The following ROCK1 variants were observed in gnomAD, a reference collection of about 807,000 sequenced individuals.
The protein encoded by ROCK1 is rho-associated protein kinase 1.
A neutral mutation model predicts 196.8 loss-of-function variants in ROCK1; 36 were observed. That is an observed-to-expected ratio of 0.18 (90% CI 0.14 to 0.24). ROCK1 has a LOEUF of 0.24. Among genes scored for constraint, ROCK1 ranks in the 10% least tolerant of loss-of-function variants. ROCK1 has a pLI of 1.00. For synonymous variants in ROCK1, 443 were observed against 515.9 expected (o/e 0.86, Z 1.91); for missense variants, 920 against 1,562.0 (o/e 0.59, Z 6.93).
intron 1 of ROCK1, among the ~76,000 whole-genome samples, chr18:21,087,128 G>T (rs1358006422): frequency 6.6e-6 from 1 of 152,056 alleles, no homozygotes; most frequent in Non-Finnish European, 1.5e-5. Context: ...TGTTTTCTAT[G>T]CCTAATTTAA....
chr18:20,965,132 G>A (rs965120420), intron 27 of ROCK1, among the ~76,000 whole-genome samples: 1 of 152,210 alleles, frequency 6.6e-6, no homozygotes, highest in Non-Finnish European at 1.5e-5. Context: ...GCTCATGCCT[G>A]TAATCTCAGC....
At chr18:21,098,541 T>G (rs1394959391) in intron 1 of ROCK1, among the ~76,000 whole-genome samples, 1 of 151,958 alleles carries the variant, frequency 6.6e-6, no homozygotes, top group Non-Finnish European at 1.5e-5. Flanking sequence ...ACTCAAAATT[T>G]TGAAGCAACA....
At chr18:20,984,602 A>T (rs2035561624) in intron 19 of ROCK1, 67 bp from the exon 20 acceptor site, 2 of 1,180,498 alleles carry the variant, frequency 1.7e-6, no homozygotes, top group African/African-American at 3.1e-5. Flanking sequence ...TATTTGAAAG[A>T]CTACTAACCA....
At chr18:20,958,609 A>G (rs2035269645) in intron 29 of ROCK1, among the ~76,000 whole-genome samples, 2 of 151,266 alleles carry the variant, frequency 1.3e-5, no homozygotes, top group African/African-American at 4.8e-5. Flanking sequence ...AATAATGACC[A>G]AAGAATCCTA....
At chr18:20,976,469 C>T (rs1184927444) in intron 22 of ROCK1, among the ~76,000 whole-genome samples, 1 of 152,086 alleles carries the variant, frequency 6.6e-6, no homozygotes, top group Non-Finnish European at 1.5e-5. Flanking sequence ...ATCAGAAGAT[C>T]CTGACATACT....
chr18:21,032,064 T>C (rs1356829533), intron 9 of ROCK1, among the ~76,000 whole-genome samples: 1 of 152,154 alleles, frequency 6.6e-6, no homozygotes, highest in East Asian at 1.9e-4. Flanking sequence ...GAAGAAATAA[T>C]GGCCAAACCT....
chr18:21,055,686 T>G lies in ROCK1; in HGVS notation c.176-5806A>C, dbSNP rs1429268310. Among the ~76,000 whole-genome samples, 3 of 152,072 alleles carry G rather than the reference T, an allele frequency of 2.0e-5. No individual in the cohort carries two copies. The South Asian group carries it at 6.2e-4, about 31-fold the overall frequency. On this transcript the variant is annotated intron_variant, in intron 2 of 32. Transcript: ENST00000399799. ...TACCCCTCCTAACCGGATCCCACCA[T>G]GCTGTTTTCTCTCCCATCTTAGGGA...
chr18:21,042,340 G>A (rs1351729157), intron 7 of ROCK1, 105 bp from the exon 8 acceptor site: 1 of 1,099,244 alleles, frequency 9.1e-7, no homozygotes, highest in East Asian at 2.6e-5. Context: ...TATTAGGTAT[G>A]TATTAAACTA....
rs1160920387 is a variant in ROCK1 at position 20,998,293 on chromosome 18, G to A, written c.1886-5356C>T. Among the ~76,000 whole-genome samples, 4 of 152,272 alleles carry A rather than the reference G, an allele frequency of 2.6e-5. No individual in the cohort carries two copies. The South Asian group carries it at 6.2e-4, about 24-fold the overall frequency. ...AACATACAAAAGCCAATGGGATACA[G>A]TGAAAGCAGTACAAGAAAGCTTATA... On this transcript the variant is annotated intron_variant, in intron 16 of 32. Coordinates refer to ENST00000399799, the MANE Select transcript of ROCK1 (RefSeq NM_005406.3).
intron 2 of ROCK1, among the ~76,000 whole-genome samples, chr18:21,060,577 C>T (rs1225112844): frequency 6.6e-6 from 1 of 152,144 alleles, no homozygotes; most frequent in Non-Finnish European, 1.5e-5. Context: ...CGGTGGCTCA[C>T]GCCTGTAATT....
intron 27 of ROCK1, among the ~76,000 whole-genome samples, chr18:20,965,102 C>T (rs2035360045): frequency 6.6e-6 from 1 of 152,092 alleles, no homozygotes; most frequent in Admixed American, 6.6e-5. Context: ...CTAAATAGAG[C>T]AAGGTCGGCC....
chr18:21,026,668 G>T (rs1171371656), intron 10 of ROCK1, among the ~76,000 whole-genome samples: 9 of 151,952 alleles, frequency 5.9e-5, no homozygotes, highest in Admixed American at 4.6e-4. Context: ...GGACTAAATT[G>T]TCTTTTTGTT....
At chr18:20,982,009 A>C (rs2143388891) in intron 21 of ROCK1, among the ~76,000 whole-genome samples, 1 of 152,362 alleles carries the variant, frequency 6.6e-6, no homozygotes, top group South Asian at 2.1e-4. Flanking sequence ...CAATGGAATA[A>C]ATCAGAACTG....
At chr18:20,983,488 T>C (rs1462978013) in intron 20 of ROCK1, among the ~76,000 whole-genome samples, 2 of 151,634 alleles carry the variant, frequency 1.3e-5, no homozygotes, top group Non-Finnish European at 2.9e-5. Flanking sequence ...AAGACACAGA[T>C]TTTCAATAAT....
At chr18:20,959,147 A>ATT (rs2035297657) in intron 29 of ROCK1, among the ~76,000 whole-genome samples, 2 of 61,254 alleles carry the variant, frequency 3.3e-5, no homozygotes, top group African/African-American at 1.9e-4. Context: ...TATTATATAA[A>ATT]ATATATATAT....
chr18:21,038,756 G>GA (rs35101122), intron 9 of ROCK1, among the ~76,000 whole-genome samples: 8 of 152,112 alleles, frequency 5.3e-5, no homozygotes, highest in South Asian at 4.1e-4. Flanking sequence ...GATGAACAGG[G>GA]AAAAAAATCC....
At chr18:21,032,181 A>G (rs926432314) in intron 9 of ROCK1, among the ~76,000 whole-genome samples, 12 of 152,208 alleles carry the variant, frequency 7.9e-5, no homozygotes, top group Non-Finnish European at 2.9e-5. Context: ...CACATGCCAT[A>G]ATCAAACTGT....
At chr18:21,082,674 C>T (rs1389732813) in intron 1 of ROCK1, among the ~76,000 whole-genome samples, 1 of 152,154 alleles carries the variant, frequency 6.6e-6, no homozygotes, top group East Asian at 1.9e-4. Flanking sequence ...TGGAAAGAAA[C>T]TTCCTCAGCA....
chr18:21,074,071 T>G (rs1240364046), intron 1 of ROCK1, among the ~76,000 whole-genome samples: 1 of 152,158 alleles, frequency 6.6e-6, no homozygotes, highest in Non-Finnish European at 1.5e-5. Context: ...GGCAGGAAGA[T>G]CGCTTGAGCC....
Sources: gnomAD v4.1 joint callset for allele counts (sites outside exome capture counted in the v4.1 genomes callset) on GRCh38, gnomAD v4.1.1 for gene constraint, MANE v1.5 for transcripts, NCBI Gene and HGNC (gene_info 2026-07-23, HGNC 2026-07-21) for gene names.